SRP19: variants seen among roughly 807,000 people sequenced by gnomAD.
SRP19 encodes signal recognition particle 19, also known as signal recognition particle 19 kDa protein.
SRP19 carries 11 observed loss-of-function variants against 22.4 expected under a neutral mutation model. The observed-to-expected ratio is 0.49, with a 90% confidence interval of 0.31 to 0.81. The LOEUF is 0.81. SRP19 is among the 40% of genes least tolerant of loss of function. The pLI, the probability that SRP19 is intolerant of heterozygous loss-of-function variation, is 0.05. For missense variants in SRP19, 168 were observed against 175.9 expected (o/e 0.96, Z 0.25); for synonymous variants, 61 against 57.6 (o/e 1.06, Z -0.27).
Position 112,869,144 on chromosome 5 carries a change from G to A in SRP19, c.*1607G>A, listed in dbSNP as rs576291114. 6.6e-6 allele frequency: 1 copy of A among 152,354 alleles called. No homozygotes were observed. Among genetic ancestry groups the A allele is most frequent in the African/African-American group, 2.4e-5 (1 of 41,572 alleles). 9.4% of individuals were successfully genotyped at this position (152,354 alleles called of 1,614,324 possible). On this transcript the variant is annotated 3_prime_UTR_variant, in exon 5 of 5. Coordinates refer to ENST00000505459, the MANE Select transcript of SRP19 (RefSeq NM_003135.3). Reference sequence around the variant, plus strand: ...TTTTTGCCTCATATGTTAAATCCAAGTGAGGTTGCTGTGGTGGTTGGTTTA... The same window carrying A: ...TTTTTGCCTCATATGTTAAATCCAAATGAGGTTGCTGTGGTGGTTGGTTTA...
At chr5:112,875,147 G>T (rs1767865878) in intron 4 of SRP19, among the ~76,000 whole-genome samples, 1 of 152,164 alleles carries the variant, frequency 6.6e-6, no homozygotes, top group African/African-American at 2.4e-5. Context: ...AAGATTTTAA[G>T]AGTTAATGTT....
downstream of SRP19, among the ~76,000 whole-genome samples, chr5:112,874,720 C>G (rs1767855342): frequency 6.6e-6 from 1 of 151,742 alleles, no homozygotes; most frequent in South Asian, 2.1e-4. Context: ...GGACAGTAAT[C>G]TTTTTTAACA....
downstream of SRP19, among the ~76,000 whole-genome samples, chr5:112,871,823 A>G (rs1294906896): frequency 4.6e-5 from 7 of 152,270 alleles, no homozygotes; most frequent in Admixed American, 2.6e-4. Context: ...GGCTCAAGCA[A>G]TTCTCTCAAG....
exon 5 of SRP19, chr5:112,892,024 C>G: frequency 7.4e-7 from 1 of 1,354,710 alleles, no homozygotes; most frequent in Non-Finnish European, 1.1e-6. Context: ...AGAGGAGGAG[C>G]AGAAACAACA....
At chr5:112,878,654 A>C in intron 4 of SRP19, 1 of 1,315,686 alleles carries the variant, frequency 7.6e-7, no homozygotes, top group Non-Finnish European at 1.0e-6. Flanking sequence ...CTTACAACAC[A>C]TTCCAATCTT....
downstream of SRP19, chr5:112,897,339 A>G (rs1768716459): frequency 6.9e-6 from 1 of 145,034 alleles, no homozygotes; most frequent in Admixed American, 7.1e-5. Context: ...TCCCTACATA[A>G]AACACATCCC....
rs764311675 is a variant in SRP19 at position 112,864,516 on chromosome 5, C to T, written c.177C>T (p.Asn59=). The T allele has an allele frequency of 9.3e-6, 15 of 1,613,852 alleles. No individual in the cohort carries two copies. The highest frequency in any genetic ancestry group is 2.2e-5 in the South Asian group (2 of 91,070). ...IQDVCSAVGL[N]VFLEKNKMYS... ...ATGTATGTTCAGCAGTTGGACTTAACGTATTTCTTGAGGTATGACGTGGTT... is the reference window on the plus strand; with the variant it reads ...ATGTATGTTCAGCAGTTGGACTTAATGTATTTCTTGAGGTATGACGTGGTT... The change falls in exon 3 of 5, where the codon AAC becomes AAT. Residue 59 remains asparagine (N), a synonymous_variant. Transcript: ENST00000505459.
At chr5:112,871,800 T>A (rs1167629053), downstream of SRP19, among the ~76,000 whole-genome samples, 1 of 152,122 alleles carries the variant, frequency 6.6e-6, no homozygotes, top group Non-Finnish European at 1.5e-5. Flanking sequence ...CTCAGGCTGT[T>A]CTTATACTCC....
At chr5:112,873,622 C>T (rs150372207), downstream of SRP19, among the ~76,000 whole-genome samples, 432 of 152,094 alleles carry the variant, frequency 2.8e-3, 2 homozygotes, top group African/African-American at 8.3e-3. Context: ...GCTGGGATTA[C>T]GGGCATGAGC....
Position 112,867,011 on chromosome 5 carries a change from G to GT in SRP19, c.302-386dup, listed in dbSNP as rs1383987979. Among the ~76,000 whole-genome samples the GT allele has an allele frequency of 2.0e-5, 3 of 151,998 alleles. No individual in the cohort carries two copies. In the East Asian group the frequency reaches 5.8e-4, roughly 29 times the overall value. On this transcript the variant is annotated intron_variant, in intron 4 of 4. Coordinates refer to ENST00000505459, the MANE Select transcript of SRP19 (RefSeq NM_003135.3). ...GGATCGCTTGTAACTTGATGATACTGTTTTTTTGTTGTAAGACTGAGAAAA... is the reference window on the plus strand; with the variant it reads ...GGATCGCTTGTAACTTGATGATACTGTTTTTTTTGTTGTAAGACTGAGAAAA...
downstream of SRP19, among the ~76,000 whole-genome samples, chr5:112,872,376 T>C (rs1158294890): frequency 2.1e-5 from 3 of 141,240 alleles, no homozygotes; most frequent in Non-Finnish European, 4.5e-5. Context: ...TTGCCCAGGC[T>C]GGAGTGCAGT....
chr5:112,868,323 C>T lies in SRP19; in HGVS notation c.*786C>T, dbSNP rs949055916. On this transcript the variant is annotated 3_prime_UTR_variant, in exon 5 of 5. Coordinates refer to ENST00000505459, the MANE Select transcript of SRP19 (RefSeq NM_003135.3). ...TGAGCTATCCCAATTCCTGTTCTTC[C>T]TGAGGCCTGGTTTAGCTCTTCCTTG... The T allele has an allele frequency of 2.0e-6, 2 of 985,798 alleles. No individual in the cohort carries two copies. Among genetic ancestry groups the T allele is most frequent in the Admixed American group, 6.1e-5 (1 of 16,272 alleles). 61.1% of individuals were successfully genotyped at this position (985,798 alleles called of 1,614,324 possible). A position where few individuals can be genotyped will look rare whatever the true frequency, so the allele number is the denominator to read the frequency against.
intron 4 of SRP19, among the ~76,000 whole-genome samples, chr5:112,881,634 C>G (rs1403961619): frequency 2.0e-5 from 3 of 152,180 alleles, no homozygotes; most frequent in Non-Finnish European, 4.4e-5. Flanking sequence ...TTGCCACTTT[C>G]AGAATCTCAT....
intron 4 of SRP19, among the ~76,000 whole-genome samples, chr5:112,888,976 G>A (rs1580734339): frequency 6.6e-6 from 1 of 150,890 alleles, no homozygotes. Flanking sequence ...TAAGTCTCAC[G>A]AGATGTGATA....
At chr5:112,892,543 C>G (rs755658566) in exon 5 of SRP19, 9 of 1,614,092 alleles carry the variant, frequency 5.6e-6, no homozygotes, top group Non-Finnish European at 7.6e-6. Context: ...AGGACGACAG[C>G]TGCAATGTGA....
chr5:112,863,363 T>A (rs1366536405), intron 2 of SRP19, among the ~76,000 whole-genome samples: 1 of 152,114 alleles, frequency 6.6e-6, no homozygotes, highest in Non-Finnish European at 1.5e-5. Flanking sequence ...TATAACAGGG[T>A]TTGTCAATAG....
chr5:112,868,404 G>C lies in SRP19; in HGVS notation c.*867G>C, dbSNP rs566752875. 19 of 1,002,710 alleles carry C rather than the reference G, an allele frequency of 1.9e-5. No homozygotes were observed. Among genetic ancestry groups the C allele is most frequent in the Non-Finnish European group, 2.3e-5 (19 of 843,250 alleles). 62.1% of individuals were successfully genotyped at this position (1,002,710 alleles called of 1,614,324 possible). On this transcript the variant is annotated 3_prime_UTR_variant, in exon 5 of 5. Transcript: ENST00000505459. ...AATTCCATTTTTTTTAAGTTTGTTT[G>C]TTTGTTTGTTTTTGAGATGGAGTTT...
chr5:112,895,228 ACT>A (rs1171341126), downstream of SRP19: 5 of 70,612 alleles, frequency 7.1e-5, no homozygotes, highest in East Asian at 2.4e-3. Context: ...ACAGAGCGAG[ACT>A]CTGTCTCAAA....
At chr5:112,878,482 G>C in intron 4 of SRP19, 1 of 361,248 alleles carries the variant, frequency 2.8e-6, no homozygotes, top group Non-Finnish European at 5.0e-6. Flanking sequence ...ACAGCCTGTG[G>C]GGTATATAAT....
Sources: allele counts gnomAD v4.1 joint callset (sites outside exome capture counted in the v4.1 genomes callset), GRCh38; gene constraint gnomAD v4.1.1; transcripts MANE v1.5; gene names NCBI Gene and HGNC (gene_info 2026-07-23, HGNC 2026-07-21).